Variants in KIAA1217 observed in about 807,000 individuals in gnomAD.
KIAA1217 encodes KIAA1217, also known as sickle tail protein homolog.
KIAA1217 carries 88 observed loss-of-function variants against 163.9 expected under a neutral mutation model. That is an observed-to-expected ratio of 0.54 (90% CI 0.45 to 0.64). KIAA1217 has a LOEUF of 0.64. KIAA1217 is among the 30% of genes least tolerant of loss of function. The pLI is 0.00. For missense variants in KIAA1217, 2,372 were observed against 2,475.0 expected (o/e 0.96, Z 0.88); for synonymous variants, 903 against 923.1 (o/e 0.98, Z 0.39).
chr10:24,003,024 T>G (rs1166877426), intron 1 of KIAA1217, among the ~76,000 whole-genome samples: 1 of 152,262 alleles, frequency 6.6e-6, no homozygotes, highest in Non-Finnish European at 1.5e-5. Flanking sequence ...GGTGTATATA[T>G]TCCACATTTT....
intron 1 of KIAA1217, among the ~76,000 whole-genome samples, chr10:24,215,791 C>A (rs181294153): frequency 1.1e-4 from 17 of 152,216 alleles, no homozygotes; most frequent in Admixed American, 1.1e-3. Context: ...CGTTAGGTGG[C>A]TCTGAGTGCT....
intron 1 of KIAA1217, among the ~76,000 whole-genome samples, chr10:24,006,655 G>A (rs1847012624): frequency 6.6e-6 from 1 of 152,132 alleles, no homozygotes; most frequent in East Asian, 1.9e-4. Flanking sequence ...CATTTAGACA[G>A]AAACCTTTAT....
At chr10:23,936,827 A>G (rs1843549118) in intron 1 of KIAA1217, among the ~76,000 whole-genome samples, 1 of 152,224 alleles carries the variant, frequency 6.6e-6, no homozygotes, top group Non-Finnish European at 1.5e-5. Flanking sequence ...TAATACACAC[A>G]GAAAGCACTC....
intron 2 of KIAA1217, among the ~76,000 whole-genome samples, chr10:24,053,850 C>T (rs1245372449): frequency 6.6e-6 from 1 of 152,076 alleles, no homozygotes; most frequent in Admixed American, 6.6e-5. Context: ...CCATTTCCCC[C>T]AGGTAATATG....
rs868352761 is a variant in KIAA1217, at chr10:24,269,236, A to G, written c.354+49327A>G. 2.3e-3 allele frequency among the ~76,000 whole-genome samples: 342 copies of G among 146,336 alleles called. 2 individuals carry two copies. Among genetic ancestry groups the G allele is most frequent in the African/African-American group, 8.3e-3 (329 of 39,562 alleles). On this transcript the variant is annotated intron_variant, in intron 2 of 20. Transcript: ENST00000376454. ...AAAAAAAAAAAAAAAAAAAAAAAGG[A>G]TTGTGGCCTGGCGCAGTGGTTCACA...
intron 2 of KIAA1217, among the ~76,000 whole-genome samples, chr10:24,140,453 AGT>A (rs2064015305): frequency 2.6e-5 from 4 of 152,166 alleles, no homozygotes. Context: ...GCCAGTATGA[AGT>A]AAAATAAGCT....
intron 1 of KIAA1217, among the ~76,000 whole-genome samples, chr10:23,896,754 T>C (rs1450551733): frequency 6.6e-6 from 1 of 152,092 alleles, no homozygotes; most frequent in Non-Finnish European, 1.5e-5. Flanking sequence ...GTCTTTAAAC[T>C]TGAGATGTTT....
intron 1 of KIAA1217, among the ~76,000 whole-genome samples, chr10:23,837,119 TTC>T (rs1838505012): frequency 6.6e-6 from 1 of 152,182 alleles, no homozygotes; most frequent in African/African-American, 2.4e-5. Context: ...GTGTTTGACT[TTC>T]TGTTTCTGAG....
At chr10:23,989,494 T>C (rs1846122607) in intron 1 of KIAA1217, among the ~76,000 whole-genome samples, 1 of 152,214 alleles carries the variant, frequency 6.6e-6, no homozygotes, top group African/African-American at 2.4e-5. Flanking sequence ...CAGATTCTCC[T>C]TGGCCTCTCT....
chr10:24,088,256 CATAT>C (rs758367708), intron 2 of KIAA1217, among the ~76,000 whole-genome samples: 1 of 95,848 alleles, frequency 1.0e-5, no homozygotes, highest in Non-Finnish European at 2.5e-5. Context: ...TTTTAATATA[CATAT>C]ATATATATAT....
chr10:24,479,095 C>A (rs1038799494), intron 6 of KIAA1217, among the ~76,000 whole-genome samples: 2 of 152,164 alleles, frequency 1.3e-5, no homozygotes, highest in African/African-American at 4.8e-5. Context: ...TACAGAAAAG[C>A]AAACAACTTG....
chr10:24,216,316 A>T (rs1342618258), intron 1 of KIAA1217, among the ~76,000 whole-genome samples: 1 of 152,176 alleles, frequency 6.6e-6, no homozygotes, highest in Non-Finnish European at 1.5e-5. Context: ...TGTGCAGCAT[A>T]GTAAGGCAGG....
At position 23,773,114 on chromosome 10, in the gene KIAA1217, G is replaced by A. The variant is rs1365559924; in HGVS notation, c.-321+77880G>A. On this transcript the variant is annotated intron_variant, in intron 1 of 18. Transcript: ENST00000376462. ...TTGAGGAAGAGAAAAACAGGGATGG[G>A]CTGGAGAGAGGGATATGATTGACTG... Among the ~76,000 whole-genome samples the A allele has an allele frequency of 2.6e-5, 4 of 152,164 alleles. No homozygotes were observed. In the South Asian group the frequency reaches 8.3e-4, roughly 32 times the overall value.
intron 1 of KIAA1217, among the ~76,000 whole-genome samples, chr10:23,769,614 T>C (rs1419722844): frequency 2.0e-5 from 3 of 152,202 alleles, no homozygotes; most frequent in African/African-American, 7.2e-5. Context: ...TGTCCAGGAA[T>C]GAACAAAGAC....
In KIAA1217 at chr10:23,828,177, C is replaced by T. The variant is rs575893617; in HGVS notation, c.-321+132943C>T. ...AGCCCTTGTTTAGTTCGGAGCTATG[C>T]CAAACTCTGAAAATCTCCCCAAAAC... On this transcript the variant is annotated intron_variant, in intron 1 of 18. Transcript: ENST00000376462. 7.9e-5 allele frequency among the ~76,000 whole-genome samples: 12 copies of T among 152,262 alleles called. No individual in the cohort carries two copies. The South Asian group carries it at 1.5e-3, about 18-fold the overall frequency.
At chr10:24,318,391 C>T (rs369958748) in intron 2 of KIAA1217, among the ~76,000 whole-genome samples, 2 of 152,160 alleles carry the variant, frequency 1.3e-5, no homozygotes, top group African/African-American at 4.8e-5. Flanking sequence ...CTGAAACAGG[C>T]TGAGGTTTCC....
intron 1 of KIAA1217, among the ~76,000 whole-genome samples, chr10:23,964,983 TA>T (rs1564570650): frequency 6.6e-6 from 1 of 152,166 alleles, no homozygotes; most frequent in Non-Finnish European, 1.5e-5. Context: ...TGACTTCTAT[TA>T]GAGGCAAAGG....
chr10:23,921,754 C>G (rs962468776), intron 1 of KIAA1217, among the ~76,000 whole-genome samples: 54 of 152,164 alleles, frequency 3.5e-4, no homozygotes, highest in African/African-American at 1.2e-3. Context: ...GAACAGAAGC[C>G]CCATGAACAT....
intron 1 of KIAA1217, among the ~76,000 whole-genome samples, chr10:23,826,754 C>G (rs1227093405): frequency 1.3e-5 from 2 of 152,132 alleles, no homozygotes; most frequent in Admixed American, 6.5e-5. Flanking sequence ...TTCGACTCCT[C>G]AAATGCTCCA....
Sources: allele counts gnomAD v4.1 joint callset (sites outside exome capture counted in the v4.1 genomes callset), GRCh38; gene constraint gnomAD v4.1.1; transcripts MANE v1.5; gene names NCBI Gene and HGNC (gene_info 2026-07-23, HGNC 2026-07-21).